GOLGB1: variants seen among roughly 807,000 people sequenced by gnomAD.
The protein encoded by GOLGB1 is golgin B1.
Under a neutral mutation model 336.9 loss-of-function variants are expected in GOLGB1, and 174 were observed. The ratio of observed to expected loss-of-function variants is 0.52; its 90% CI spans 0.46 to 0.59. The LOEUF (loss-of-function observed/expected upper bound fraction) is 0.59. GOLGB1 is among the 20% of genes least tolerant of loss of function. The probability of loss-of-function intolerance (pLI) is 0.00; values close to 1 mark genes in which losing one functional copy is unlikely to be tolerated. For missense variants in GOLGB1, 3,331 were observed against 3,645.3 expected (o/e 0.91, Z 2.22); for synonymous variants, 1,208 against 1,289.2 (o/e 0.94, Z 1.35).
chr3:121,722,500 C>T, intron 5 of GOLGB1, 122 bp from the exon 6 acceptor site: 1 of 589,712 alleles, frequency 1.7e-6, no homozygotes, highest in Non-Finnish European at 3.0e-6. Context: ...TTCTAGTTTC[C>T]ATTGAACCCA....
chr3:121,678,125 A>G (rs1006525165), intron 15 of GOLGB1, among the ~76,000 whole-genome samples: 1 of 152,182 alleles, frequency 6.6e-6, no homozygotes, highest in African/African-American at 2.4e-5. Flanking sequence ...AATCATCATC[A>G]TTTGTTTAAA....
chr3:121,670,374 T>C (rs1049221036), intron 17 of GOLGB1, among the ~76,000 whole-genome samples: 2 of 152,178 alleles, frequency 1.3e-5, no homozygotes, highest in Non-Finnish European at 2.9e-5. Context: ...AAACAAACAA[T>C]GTTTTAGAGG....
intron 1 of GOLGB1, among the ~76,000 whole-genome samples, chr3:121,736,062 T>C (rs1946447783): frequency 6.6e-6 from 1 of 152,182 alleles, no homozygotes; most frequent in Admixed American, 6.5e-5. Context: ...AACAATAATA[T>C]TGGATTATAT....
intron 10 of GOLGB1, among the ~76,000 whole-genome samples, chr3:121,707,017 C>A (rs1943914665): frequency 6.7e-6 from 1 of 150,124 alleles, no homozygotes; most frequent in Admixed American, 6.6e-5. Context: ...TTGAGATCAT[C>A]CTGGCCAACA....
intron 14 of GOLGB1, among the ~76,000 whole-genome samples, chr3:121,687,909 C>G (rs1490765027): frequency 6.6e-6 from 1 of 152,136 alleles, no homozygotes; most frequent in Non-Finnish European, 1.5e-5. Context: ...GCCAAGCTCC[C>G]AGGGCAAAGT....
At chr3:121,742,610 A>G (rs200553551) in intron 1 of GOLGB1, among the ~76,000 whole-genome samples, 40 of 152,246 alleles carry the variant, frequency 2.6e-4, no homozygotes, top group African/African-American at 8.9e-4. Flanking sequence ...AAGCCAAAAT[A>G]GACAAATGGG....
intron 3 of GOLGB1, 48 bp downstream of exon 3, chr3:121,729,817 T>C (rs1229852209): frequency 7.1e-7 from 1 of 1,405,782 alleles, no homozygotes; most frequent in Non-Finnish European, 1.0e-6. Context: ...TAGTGTATCA[T>C]CTGTCCTTTA....
intron 20 of GOLGB1, among the ~76,000 whole-genome samples, chr3:121,665,774 G>A (rs561326087): frequency 3.3e-5 from 5 of 152,346 alleles, no homozygotes; most frequent in African/African-American, 9.6e-5. Context: ...AAGAGAGGAT[G>A]AAACTCTTGC....
chr3:121,679,784 C>G (rs1470115772), intron 15 of GOLGB1, among the ~76,000 whole-genome samples: 3 of 152,144 alleles, frequency 2.0e-5, no homozygotes, highest in Non-Finnish European at 4.4e-5. Context: ...GTGCCTCTCT[C>G]CGACTGCCCC....
chr3:121,710,072 A>AT (rs1037662330), intron 10 of GOLGB1, among the ~76,000 whole-genome samples: 1 of 148,478 alleles, frequency 6.7e-6, no homozygotes, highest in Non-Finnish European at 1.5e-5. Flanking sequence ...AAAAAAAAAA[A>AT]GCCCAAACAA....
At chr3:121,670,130 T>C (rs975633487) in intron 17 of GOLGB1, among the ~76,000 whole-genome samples, 1 of 152,240 alleles carries the variant, frequency 6.6e-6, no homozygotes, top group Non-Finnish European at 1.5e-5. Context: ...TTGTAGCTTC[T>C]ACCCATTGAT....
At chr3:121,729,076 T>A in intron 4 of GOLGB1, 112 bp downstream of exon 4, 1 of 681,818 alleles carries the variant, frequency 1.5e-6, no homozygotes, top group Non-Finnish European at 2.4e-6. Context: ...AAACAAAACA[T>A]TATTTAGTGC....
chr3:121,697,695 A>G lies in GOLGB1; in HGVS notation c.2828T>C (p.Leu943Ser), dbSNP rs1371331751. 6.2e-7 allele frequency: 1 copy of G among 1,613,616 alleles called. No individual in the cohort carries two copies. The highest frequency in any genetic ancestry group is 8.5e-7 in the Non-Finnish European group (1 of 1,179,936). Residue 943 changes from leucine (L) to serine (S), a missense_variant, in exon 13 of 22, where the codon TTA (leucine) becomes TCA (serine). Transcript: ENST00000614479. ...IKTLKEQLNL[L>S]SRAEEAKKEQ... The stretch of plus-strand genomic sequence containing the variant: ...TTTTTTTGCTTCCTCAGCTCTGGAT[A>G]ATAAATTTAGCTGTTCTTTAAGAGT...
At chr3:121,670,112 T>C (rs1189249559) in intron 17 of GOLGB1, among the ~76,000 whole-genome samples, 2 of 152,130 alleles carry the variant, frequency 1.3e-5, no homozygotes, top group African/African-American at 4.8e-5. Flanking sequence ...GAATGAAAAA[T>C]TTACCTATTG....
chr3:121,668,664 C>T (rs1939046540), intron 18 of GOLGB1, among the ~76,000 whole-genome samples: 2 of 135,860 alleles, frequency 1.5e-5, no homozygotes, highest in Non-Finnish European at 3.1e-5. Context: ...CAGAGCGAGA[C>T]TCCGTCTCAA....
At chr3:121,742,921 ATC>A (rs1946981529) in intron 1 of GOLGB1, among the ~76,000 whole-genome samples, 1 of 152,252 alleles carries the variant, frequency 6.6e-6, no homozygotes, top group African/African-American at 2.4e-5. Flanking sequence ...ATGAGATACC[ATC>A]TCACACCAGT....
chr3:121,741,154 C>T (rs1275807811), intron 1 of GOLGB1, among the ~76,000 whole-genome samples: 3 of 151,948 alleles, frequency 2.0e-5, no homozygotes, highest in South Asian at 4.1e-4. Flanking sequence ...ATGTTATGAA[C>T]GAGCAAGAAA....
At chr3:121,731,368 CTTTTTT>C (rs774044046) in intron 1 of GOLGB1, among the ~76,000 whole-genome samples, 1 of 143,624 alleles carries the variant, frequency 7.0e-6, no homozygotes. Context: ...TTTTCTTTTT[CTTTTTT>C]TTTTTTTGAG....
intron 1 of GOLGB1, among the ~76,000 whole-genome samples, chr3:121,746,324 AT>A (rs1442340400): frequency 6.6e-6 from 1 of 152,236 alleles, no homozygotes; most frequent in Non-Finnish European, 1.5e-5. Context: ...ACTATTTTTC[AT>A]GATGCAGAAG....
Sources: allele counts gnomAD v4.1 joint callset (sites outside exome capture counted in the v4.1 genomes callset), GRCh38; gene constraint gnomAD v4.1.1; transcripts MANE v1.5; gene names NCBI Gene and HGNC (gene_info 2026-07-23, HGNC 2026-07-21).